MMS19: variants seen among roughly 807,000 people sequenced by gnomAD.
MMS19 encodes the protein MMS19 nucleotide excision repair protein homolog.
A neutral mutation model predicts 129.8 loss-of-function variants in MMS19; 77 were observed. The observed-to-expected ratio is 0.59, with a 90% CI of 0.49 to 0.72. The LOEUF (loss-of-function observed/expected upper bound fraction) is 0.72, where lower values mean the gene tolerates loss of function less well. Among genes scored for constraint, MMS19 ranks in the 30% least tolerant of loss-of-function variants. The pLI, the probability that MMS19 is intolerant of heterozygous loss-of-function variation, is 0.00. For synonymous variants in MMS19, 491 were observed against 502.8 expected, an observed-to-expected ratio of 0.98 and a Z score of 0.31; for missense variants, 1,168 against 1,266.3, an observed-to-expected ratio of 0.92 and a Z score of 1.18.
rs771330499 is a variant in MMS19, at chr10:97,459,479, C to T, written c.2787G>A (p.Val929=). 18 of 1,613,178 alleles carry T rather than the reference C, an allele frequency of 1.1e-5. No individual in the cohort carries two copies. Among genetic ancestry groups the T allele is most frequent in the Admixed American group, 1.7e-5 (1 of 59,908 alleles). The change falls in exon 28 of 31, where the codon GTG becomes GTA. Residue 929 remains valine (V), a synonymous_variant. Coordinates refer to ENST00000438925, the MANE Select transcript of MMS19 (RefSeq NM_022362.5). ...GAAGGCAGCTGAGGGTGGAGAGCTGCACCACACAGTCAGGGCAGGACAGGG... is the reference window on the plus strand; with the variant it reads ...GAAGGCAGCTGAGGGTGGAGAGCTGTACCACACAGTCAGGGCAGGACAGGG... ...LEALSCPDCV[V]QLSTLSCLQP...
At chr10:97,497,803 A>G (rs1212133799) in intron 1 of MMS19, among the ~76,000 whole-genome samples, 1 of 152,192 alleles carries the variant, frequency 6.6e-6, no homozygotes, top group Non-Finnish European at 1.5e-5. Flanking sequence ...TCTTAATTCC[A>G]GCCAGTCAGA....
chr10:97,493,597 T>A (rs1348610534), intron 1 of MMS19, among the ~76,000 whole-genome samples: 1 of 152,174 alleles, frequency 6.6e-6, no homozygotes, highest in African/African-American at 2.4e-5. Context: ...AAGTTCTGTG[T>A]TACCACAGTG....
At chr10:97,476,139 G>C (rs2035717868) in intron 8 of MMS19, among the ~76,000 whole-genome samples, 1 of 152,220 alleles carries the variant, frequency 6.6e-6, no homozygotes, top group Admixed American at 6.5e-5. Flanking sequence ...CTGCAGAATG[G>C]GAGGAAGGCC....
intron 1 of MMS19, among the ~76,000 whole-genome samples, chr10:97,486,862 C>CATAGATATATATAT (rs2037942297): frequency 1.2e-5 from 1 of 85,080 alleles, no homozygotes; most frequent in Non-Finnish European, 2.6e-5. Context: ...ATTAAAGTGC[C>CATAGATATATATAT]ATATATATAT....
intron 13 of MMS19, 81 bp from the exon 14 acceptor site, chr10:97,467,664 C>A (rs973539052): frequency 1.8e-5 from 24 of 1,345,818 alleles, no homozygotes; most frequent in African/African-American, 1.2e-4. Context: ...AGGGAAAATT[C>A]TTTCTTTCTT....
At chr10:97,485,094 A>C (rs1247178173) in intron 1 of MMS19, among the ~76,000 whole-genome samples, 2 of 151,926 alleles carry the variant, frequency 1.3e-5, no homozygotes. Flanking sequence ...ACTTAATAAA[A>C]AATGTGAAAA....
chr10:97,493,582 G>C (rs1024784333), intron 1 of MMS19, among the ~76,000 whole-genome samples: 1 of 152,168 alleles, frequency 6.6e-6, no homozygotes, highest in Non-Finnish European at 1.5e-5. Context: ...CAATCACAGT[G>C]TAACAAGTTC....
Position 97,477,427 on chromosome 10 carries a change from G to C in MMS19, c.424-11C>G. On this transcript the variant is annotated splice_polypyrimidine_tract_variant and intron_variant, in intron 5 of 30. Coordinates refer to ENST00000438925, the MANE Select transcript of MMS19 (RefSeq NM_022362.5). ...CACCTGTGGCAGGGACTTGGGGGTG[G>C]GGGAGAAAGAAGTGAAGAAAATGCT... 6.2e-7 allele frequency: 1 copy of C among 1,613,916 alleles called. No individual in the cohort carries two copies. Among genetic ancestry groups the C allele is most frequent in the East Asian group, 2.2e-5 (1 of 44,880 alleles).
chr10:97,482,735 T>TAC (rs1442208641), intron 2 of MMS19, among the ~76,000 whole-genome samples: 2,038 of 137,778 alleles, frequency 0.015, 61 homozygotes, highest in East Asian at 0.092. Context: ...TGTGTATATA[T>TAC]ATACACACAC....
Position 97,467,526 on chromosome 10 carries a change from T to C in MMS19, c.1276A>G (p.Lys426Glu). The change falls in exon 14 of 31, where the codon AAA becomes GAA. Residue 426 changes from lysine to glutamate, a missense_variant. This residue lies in a region of MMS19 where 831 missense variants were observed against 910.8 expected (regional missense o/e 0.91). Transcript: ENST00000438925. ...MLLGFLKLQQ[K>E]WSYEDKDQRP... ...TCACCTTTGTCTTCATAGCTCCATTTCTGCTGCAGCTTCAAGAAACCCAGG... is the reference window on the plus strand; with the variant it reads ...TCACCTTTGTCTTCATAGCTCCATTCCTGCTGCAGCTTCAAGAAACCCAGG... 1 of 1,613,966 alleles carries C rather than the reference T, an allele frequency of 6.2e-7. No homozygotes were observed. The highest frequency in any genetic ancestry group is 8.5e-7 in the Non-Finnish European group (1 of 1,179,858).
rs199828794 is a variant in MMS19, at chr10:97,496,615, CA to C, written c.112+1657del. Among the ~76,000 whole-genome samples the C allele has an allele frequency of 1.1e-3, 160 of 149,496 alleles. 1 individual carries two copies. Among genetic ancestry groups the C allele is most frequent in the African/African-American group, 3.6e-3 (146 of 40,740 alleles). On this transcript the variant is annotated intron_variant, in intron 1 of 30. Coordinates refer to ENST00000438925, the MANE Select transcript of MMS19 (RefSeq NM_022362.5). The stretch of plus-strand genomic sequence containing the variant: ...TGTCTTTTCAAAATATGTTCTGAAT[CA>C]AAAAAAAATCCAAAATTATTGTTTT...
chr10:97,487,440 T>C (rs1334542955), intron 1 of MMS19, among the ~76,000 whole-genome samples: 5 of 151,080 alleles, frequency 3.3e-5, no homozygotes, highest in Non-Finnish European at 1.5e-5. Context: ...TGCCTCAGCC[T>C]CCTGAGTAGC....
intron 24 of MMS19, 31 bp downstream of exon 24, chr10:97,460,876 T>C (rs1033339084): frequency 3.9e-6 from 6 of 1,550,550 alleles, no homozygotes; most frequent in Non-Finnish European, 5.3e-6. Flanking sequence ...ATTGCCTCTC[T>C]GGCTAACCAG....
At chr10:97,469,348 A>G (rs2034203342) in intron 11 of MMS19, among the ~76,000 whole-genome samples, 1 of 152,190 alleles carries the variant, frequency 6.6e-6, no homozygotes, top group African/African-American at 2.4e-5. Context: ...GGCTCTGCTC[A>G]CCTTTCTATT....
chr10:97,482,848 C>T (rs1435152046), intron 2 of MMS19, among the ~76,000 whole-genome samples: 1 of 151,828 alleles, frequency 6.6e-6, no homozygotes, highest in Non-Finnish European at 1.5e-5. Flanking sequence ...GCAAGCTCCG[C>T]CTCGCGGGTT....
At chr10:97,473,395 G>A (rs1283513155) in intron 8 of MMS19, among the ~76,000 whole-genome samples, 1 of 152,000 alleles carries the variant, frequency 6.6e-6, no homozygotes, top group Non-Finnish European at 1.5e-5. Flanking sequence ...CAAGATTGAA[G>A]GCATTTAAGG....
intron 6 of MMS19, 71 bp downstream of exon 6, chr10:97,477,276 G>A (rs2035937886): frequency 6.2e-7 from 1 of 1,612,134 alleles, no homozygotes; most frequent in South Asian, 1.1e-5. Context: ...CAGGTAAAAT[G>A]AGTCCTACTA....
rs148484891 is a variant in MMS19 at position 97,460,711 on chromosome 10, G to A, written c.2453C>T (p.Ser818Phe). 1.3e-6 allele frequency: 2 copies of A among 1,597,332 alleles called. No individual in the cohort carries two copies. Among genetic ancestry groups the A allele is most frequent in the Non-Finnish European group, 1.7e-6 (2 of 1,171,492 alleles). ...ALVLRYHPLS[S>F]CLTARLMGLL... ...AGGACGTACCCGGGCTGTAAGGCAG[G>A]AGCTGAGAGGATGGTATCTGAGCAC... The change falls in exon 25 of 31, where the codon TCC (serine) becomes TTC (phenylalanine). Residue 818 changes from serine (S) to phenylalanine (F), a missense_variant. By Grantham distance (155) the Ser-to-Phe change is radical (BLOSUM62 -2). Transcript: ENST00000438925.
At chr10:97,473,600 T>G (rs1310931852) in intron 8 of MMS19, among the ~76,000 whole-genome samples, 1 of 151,664 alleles carries the variant, frequency 6.6e-6, no homozygotes, top group Non-Finnish European at 1.5e-5. Flanking sequence ...TACTCTGCAT[T>G]AGGAGTAAAA....
Sources: allele counts gnomAD v4.1 joint callset (sites outside exome capture counted in the v4.1 genomes callset), GRCh38; gene constraint gnomAD v4.1.1; regional missense constraint gnomAD v4.1.1; transcripts MANE v1.5; gene names NCBI Gene and HGNC (gene_info 2026-07-23, HGNC 2026-07-21).